The following FAT1 variants were observed in gnomAD, a reference collection of about 807,000 sequenced individuals.
The protein encoded by FAT1 is FAT atypical cadherin 1.
A neutral mutation model predicts 329.8 loss-of-function variants in FAT1; 171 were observed. The observed-to-expected ratio is 0.52, with a 90% confidence interval of 0.46 to 0.59. The LOEUF (loss-of-function observed/expected upper bound fraction) is 0.59. Among genes scored for constraint, FAT1 ranks in the 20% least tolerant of loss-of-function variants. FAT1 has a pLI of 0.00. For missense variants in FAT1, 5,672 were observed against 5,774.4 expected (o/e 0.98, Z 0.57); for synonymous variants, 2,233 against 2,228.6 (o/e 1.00, Z -0.06).
intron 18 of FAT1, 67 bp downstream of exon 18, chr4:186,604,310 G>A (rs2126437389): frequency 7.5e-7 from 1 of 1,336,180 alleles, no homozygotes; most frequent in South Asian, 1.4e-5. Context: ...AAATAGAAGA[G>A]GGGAACCACG....
Position 186,708,774 on chromosome 4 carries a change from C to T in FAT1, c.1054G>A (p.Val352Ile). 1 of 1,613,978 alleles carries T rather than the reference C, an allele frequency of 6.2e-7. No homozygotes were observed. The highest frequency in any genetic ancestry group is 8.5e-7 in the Non-Finnish European group (1 of 1,179,884). The change falls in exon 2 of 27, where the codon GTC (valine) becomes ATC (isoleucine). Residue 352 changes from valine to isoleucine, a missense_variant. By Grantham distance (29) the Val-to-Ile change is conservative. Around this residue, in one of 2 missense-constraint regions of FAT1, gnomAD observed 3,966 missense variants for 3,915.2 expected, o/e 1.01. Coordinates refer to ENST00000441802, the MANE Select transcript of FAT1 (RefSeq NM_005245.4). ...AACTGTGGAGAAGTCACGTGAATGA[C>T]TTTAACAGAAGAGAACTGGGGCGGA... ...GTPPQFSSVK[V>I]IHVTSPQFKA...
intron 2 of FAT1, among the ~76,000 whole-genome samples, chr4:186,677,188 A>G (rs916023198): frequency 6.6e-6 from 1 of 152,214 alleles, no homozygotes; most frequent in Non-Finnish European, 1.5e-5. Context: ...AACTACTTAC[A>G]AGCAGTGTTC....
chr4:186,651,988 G>A (rs1333514235), intron 3 of FAT1, among the ~76,000 whole-genome samples: 3 of 152,212 alleles, frequency 2.0e-5, no homozygotes, highest in African/African-American at 7.2e-5. Flanking sequence ...GGCGAGGCTG[G>A]AAAGCAGCTC....
Position 186,708,093 on chromosome 4 carries a change from G to A in FAT1, c.1735C>T (p.Pro579Ser), listed in dbSNP as rs2126693816. ...FEKINCEGTI[P>S]RDLGVGEQIT... ...TGCTCTCCCACGCCTAGATCTCTGG[G>A]AATTGTCCCTTCACAATTTATTTTC... Residue 579 changes from proline (P) to serine (S), a missense_variant, in exon 2 of 27, where the codon CCC becomes TCC. By Grantham distance (74) the Pro-to-Ser change is moderately conservative (BLOSUM62 -1). Around this residue, in one of 2 missense-constraint regions of FAT1, gnomAD observed 3,966 missense variants for 3,915.2 expected, o/e 1.01. Transcript: ENST00000441802. 1.9e-6 allele frequency: 3 copies of A among 1,613,862 alleles called. No homozygotes were observed. The highest frequency in any genetic ancestry group is 2.5e-6 in the Non-Finnish European group (3 of 1,179,868).
At chr4:186,693,398 G>C (rs978274914) in intron 2 of FAT1, among the ~76,000 whole-genome samples, 4 of 145,568 alleles carry the variant, frequency 2.7e-5, no homozygotes, top group Non-Finnish European at 6.0e-5. Flanking sequence ...CAGCACGTGG[G>C]AGATGACAGT....
chr4:186,631,828 GCCTCTCA>G (rs1357075102), intron 7 of FAT1, among the ~76,000 whole-genome samples: 1 of 152,164 alleles, frequency 6.6e-6, no homozygotes, highest in African/African-American at 2.4e-5. Context: ...GTATCCTGGT[GCCTCTCA>G]CTGTCCAGCT....
chr4:186,620,262 T>G lies in FAT1; in HGVS notation c.6324A>C (p.Arg2108Ser), dbSNP rs1560942260. Residue 2108 changes from arginine to serine, a missense_variant, in exon 10 of 27, where the codon AGA (arginine) becomes AGC (serine). Around this residue, in one of 2 missense-constraint regions of FAT1, gnomAD observed 3,966 missense variants for 3,915.2 expected, o/e 1.01. Transcript: ENST00000441802. ...HVIRYVTAVD[R>S]DSGRNGEVHY... ...GCACTTCCCCGTTTCTGCCACTGTC[T>G]CTGTCTACAGCAGTGACATAGCGAA... 1 of 1,613,908 alleles carries G rather than the reference T, an allele frequency of 6.2e-7. No individual in the cohort carries two copies. The highest frequency in any genetic ancestry group is 1.3e-5 in the African/African-American group (1 of 74,932).
At chr4:186,633,579 G>A in intron 7 of FAT1, 105 bp downstream of exon 7, 1 of 1,186,006 alleles carries the variant, frequency 8.4e-7, no homozygotes, top group Non-Finnish European at 1.2e-6. Context: ...TCTGATTTTA[G>A]ACCCTCACAG....
chr4:186,660,568 T>C (rs7656710), intron 3 of FAT1, among the ~76,000 whole-genome samples: 5,401 of 152,284 alleles, frequency 0.035, 213 homozygotes, highest in East Asian at 0.14. Flanking sequence ...TCTGTGTGCA[T>C]TGCACTGAAT....
chr4:186,712,924 G>A (rs1001354727), intron 1 of FAT1, among the ~76,000 whole-genome samples: 2 of 152,146 alleles, frequency 1.3e-5, no homozygotes, highest in African/African-American at 2.4e-5. Context: ...GGAGCACAGC[G>A]GTTGAGGGAC....
In FAT1 at chr4:186,617,753, C is replaced by A. The variant is rs1739781788; in HGVS notation, c.8833G>T (p.Ala2945Ser). 6.2e-7 allele frequency: 1 copy of A among 1,610,340 alleles called. No individual in the cohort carries two copies. The highest frequency in any genetic ancestry group is 1.3e-5 in the African/African-American group (1 of 74,950). Residue 2945 changes from alanine (A) to serine (S), a missense_variant, in exon 10 of 27, where the codon GCT (alanine) becomes TCT (serine). Around this residue, in one of 2 missense-constraint regions of FAT1, gnomAD observed 3,966 missense variants for 3,915.2 expected, o/e 1.01. Transcript: ENST00000441802. ...GVIAILSTTD[A>S]DSEEINRQVT... ...TGTCTGTTGATCTCTTCAGAATCAG[C>A]ATCCGTGGTACTTAAGATGGCAATC...
intron 6 of FAT1, among the ~76,000 whole-genome samples, chr4:186,634,298 T>C (rs1426643842): frequency 4.6e-5 from 7 of 152,214 alleles, no homozygotes; most frequent in Non-Finnish European, 1.5e-5. Flanking sequence ...TCCTGGCTAC[T>C]ATAAACTATT....
At chr4:186,675,377 G>A (rs2126637309) in intron 2 of FAT1, among the ~76,000 whole-genome samples, 1 of 152,108 alleles carries the variant, frequency 6.6e-6, no homozygotes, top group Admixed American at 6.5e-5. Flanking sequence ...TGAGGCAGGA[G>A]AATCGCTTGA....
At chr4:186,608,446 A>G (rs761866440) in intron 16 of FAT1, among the ~76,000 whole-genome samples, 2 of 151,970 alleles carry the variant, frequency 1.3e-5, no homozygotes, top group South Asian at 2.1e-4. Context: ...GGGTCTCACT[A>G]TGTTGCCCAG....
intron 3 of FAT1, among the ~76,000 whole-genome samples, chr4:186,646,058 G>A (rs1256475579): frequency 6.6e-6 from 1 of 150,698 alleles, no homozygotes; most frequent in Non-Finnish European, 1.5e-5. Context: ...ATAGGATTCA[G>A]GTCCAACTGC....
At chr4:186,625,195 CCAGT>C (rs1740242762) in intron 9 of FAT1, among the ~76,000 whole-genome samples, 1 of 152,170 alleles carries the variant, frequency 6.6e-6, no homozygotes, top group Non-Finnish European at 1.5e-5. Context: ...CTACATAAAC[CCAGT>C]CAGTTTGTCT....
rs950109470 is a variant in FAT1, at chr4:186,621,451, A to G, written c.5135T>C (p.Ile1712Thr). The change falls in exon 10 of 27, where the codon ATT becomes ACT. Residue 1712 changes from isoleucine to threonine, a missense_variant. Ile to Thr is a moderately conservative substitution (Grantham distance 89). Transcript: ENST00000441802. ...KDGNTGDAFD[I>T]NPHSGTIITQ... Reference sequence around the variant, plus strand: ...GATGATAGTTCCAGAATGTGGATTAATATCAAAAGCATCACCTGTATTTCC... The same window carrying G: ...GATGATAGTTCCAGAATGTGGATTAGTATCAAAAGCATCACCTGTATTTCC... 11 of 1,614,052 alleles carry G rather than the reference A, an allele frequency of 6.8e-6. No homozygotes were observed. Among genetic ancestry groups the G allele is most frequent in the Non-Finnish European group, 8.5e-6 (10 of 1,179,896 alleles).
intron 2 of FAT1, among the ~76,000 whole-genome samples, chr4:186,698,412 CTT>C: frequency 6.6e-6 from 1 of 152,190 alleles, no homozygotes. Context: ...CATTCAAAGA[CTT>C]ACGTGCGCCC....
At chr4:186,700,776 C>A (rs1744269844) in intron 2 of FAT1, among the ~76,000 whole-genome samples, 1 of 152,166 alleles carries the variant, frequency 6.6e-6, no homozygotes. Context: ...AGAGTCCACC[C>A]GGTGGTTGTG....
Sources: allele counts gnomAD v4.1 joint callset (sites outside exome capture counted in the v4.1 genomes callset), GRCh38; gene constraint gnomAD v4.1.1; regional missense constraint gnomAD v4.1.1; transcripts MANE v1.5; gene names NCBI Gene and HGNC (gene_info 2026-07-23, HGNC 2026-07-21).